Variants in URI1 observed in about 807,000 individuals in gnomAD.
URI1 encodes unconventional prefoldin RPB5 interactor 1.
URI1 carries 39 observed loss-of-function variants against 60.2 expected under a neutral mutation model. The ratio of observed to expected loss-of-function variants is 0.65; its 90% CI spans 0.50 to 0.85. The LOEUF is 0.85. Ranked by LOEUF, URI1 falls within the 40% of genes least tolerant of loss-of-function variation. URI1 has a pLI of 0.00. For missense variants in URI1, 691 were observed against 665.9 expected, an observed-to-expected ratio of 1.04 and a Z score of -0.42; for synonymous variants, 251 against 236.8, an observed-to-expected ratio of 1.06 and a Z score of -0.55.
intron 1 of URI1, chr19:29,956,643 A>G (rs1304086385): frequency 4.6e-6 from 7 of 1,517,954 alleles, no homozygotes; most frequent in Admixed American, 1.7e-5. Context: ...CACCCAAGAA[A>G]TTTCGGATTT....
At chr19:29,939,730 G>A (rs775027232), upstream of URI1, among the ~76,000 whole-genome samples, 14 of 152,202 alleles carry the variant, frequency 9.2e-5, no homozygotes, top group Non-Finnish European at 2.1e-4. Flanking sequence ...TGGCAAGGAG[G>A]CAACCATGGA....
intron 1 of URI1, among the ~76,000 whole-genome samples, chr19:29,966,559 A>G (rs531352273): frequency 6.6e-6 from 1 of 152,162 alleles, no homozygotes; most frequent in East Asian, 1.9e-4. Flanking sequence ...TACTTAAAAG[A>G]TTTGTAATTT....
chr19:30,001,956 G>A (rs1007725577), intron 4 of URI1, among the ~76,000 whole-genome samples: 10 of 152,034 alleles, frequency 6.6e-5, no homozygotes, highest in Non-Finnish European at 1.3e-4. Flanking sequence ...TTAAGAAGGA[G>A]TACATCCTGT....
intron 1 of URI1, chr19:29,923,866 G>A: frequency 9.0e-7 from 1 of 1,108,444 alleles, no homozygotes. Context: ...AGATACAGAT[G>A]GCGCTGTAGA....
At chr19:29,932,786 G>A (rs1481020953) in intron 1 of URI1, among the ~76,000 whole-genome samples, 1 of 151,672 alleles carries the variant, frequency 6.6e-6, no homozygotes, top group East Asian at 1.9e-4. Context: ...TGAGTAGCTG[G>A]GATTGCAGGT....
chr19:30,000,826 TGG>T (rs2055869365), intron 4 of URI1, among the ~76,000 whole-genome samples: 1 of 152,002 alleles, frequency 6.6e-6, no homozygotes, highest in African/African-American at 2.4e-5. Context: ...CCTCCAGCCG[TGG>T]GAAATTTATA....
intron 1 of URI1, among the ~76,000 whole-genome samples, chr19:29,936,096 A>AT (rs966307650): frequency 6.8e-6 from 1 of 146,264 alleles, no homozygotes. Flanking sequence ...CTTAAAAAAA[A>AT]TTTTTTTTTG....
intron 1 of URI1, among the ~76,000 whole-genome samples, chr19:29,962,797 T>C (rs1040708672): frequency 6.6e-6 from 1 of 152,232 alleles, no homozygotes; most frequent in Admixed American, 6.5e-5. Context: ...TTTCTTTTAA[T>C]GAAAGTCTGC....
upstream of URI1, among the ~76,000 whole-genome samples, chr19:29,938,901 C>G (rs1289940261): frequency 1.3e-5 from 2 of 151,562 alleles, no homozygotes; most frequent in African/African-American, 2.4e-5. Flanking sequence ...TGATCTCGAT[C>G]TCCTGACCTC....
Position 30,014,762 on chromosome 19 carries a change from T to G in URI1, c.1426-125T>G, listed in dbSNP as rs2056064068. On this transcript the variant is annotated intron_variant, in intron 10 of 10. Transcript: ENST00000392271. ...AACAATTAGTATTTTGGTGTAGTAG[T>G]GTTGTCTAGCCAAAAATCTCGTGAA... The G allele has an allele frequency of 3.5e-6, 3 of 847,718 alleles. No individual in the cohort carries two copies. In the African/African-American group the frequency reaches 5.1e-5, roughly 14 times the overall value. The allele number at this position is 847,718 out of a possible 1,614,324, so 52.5% of individuals were successfully genotyped here.
rs748104411 is a variant in URI1 at position 30,015,569 on chromosome 19, G to A, written c.*500G>A. 170 of 1,534,334 alleles carry A rather than the reference G, an allele frequency of 1.1e-4. No homozygotes were observed. The African/African-American group carries it at 1.7e-3, about 16-fold the overall frequency. On this transcript the variant is annotated 3_prime_UTR_variant, in exon 11 of 11. Coordinates refer to ENST00000392271, the MANE Select transcript of URI1 (RefSeq NM_003796.3). The stretch of plus-strand genomic sequence containing the variant: ...GCTAGTTGGCTATTCAAGAAACCTC[G>A]CCCCTCTGAATGTCATACTGTAATC...
chr19:29,947,269 G>A (rs2055114390), intron 1 of URI1, among the ~76,000 whole-genome samples: 1 of 152,204 alleles, frequency 6.6e-6, no homozygotes, highest in South Asian at 2.1e-4. Context: ...GAAATGGACG[G>A]ATGGAATTAC....
At chr19:29,995,671 T>G (rs2055803550) in intron 4 of URI1, among the ~76,000 whole-genome samples, 1 of 152,096 alleles carries the variant, frequency 6.6e-6, no homozygotes, top group African/African-American at 2.4e-5. Context: ...TGCCTATGCT[T>G]TTCATGTCAT....
chr19:30,009,435 A>C, intron 8 of URI1, 82 bp downstream of exon 8: 1 of 1,256,308 alleles, frequency 8.0e-7, no homozygotes. Context: ...AGCAATATTA[A>C]CAATCATTAT....
At chr19:29,945,917 T>C (rs2055097505) in intron 1 of URI1, among the ~76,000 whole-genome samples, 1 of 152,108 alleles carries the variant, frequency 6.6e-6, no homozygotes, top group Admixed American at 6.6e-5. Flanking sequence ...TTAACGAAAA[T>C]TGGAATGTTA....
At chr19:30,012,566 A>T (rs1448269959) in intron 10 of URI1, 35 bp downstream of exon 10, 1 of 1,599,256 alleles carries the variant, frequency 6.3e-7, no homozygotes, top group Admixed American at 1.7e-5. Context: ...TTTATTTCAT[A>T]TAGTATCTTT....
At chr19:30,012,119 C>A (rs759674244) in intron 9 of URI1, among the ~76,000 whole-genome samples, 166 bp from the exon 10 acceptor site, 11 of 151,996 alleles carry the variant, frequency 7.2e-5, no homozygotes, top group East Asian at 3.9e-4. Context: ...TATGAAGATA[C>A]CATTTGAGGC....
intron 1 of URI1, among the ~76,000 whole-genome samples, chr19:29,961,365 A>G (rs1383980084): frequency 1.4e-5 from 2 of 147,154 alleles, no homozygotes; most frequent in African/African-American, 2.5e-5. Flanking sequence ...TTTTGTCTCT[A>G]TGAATTTGAT....
At chr19:30,009,406 T>C in intron 8 of URI1, 53 bp downstream of exon 8, 1 of 1,460,142 alleles carries the variant, frequency 6.8e-7, no homozygotes, top group Non-Finnish European at 9.4e-7. Context: ...ACATTAAGCA[T>C]TATGATATTT....
Sources: gnomAD v4.1 joint callset for allele counts (sites outside exome capture counted in the v4.1 genomes callset) on GRCh38, gnomAD v4.1.1 for gene constraint, MANE v1.5 for transcripts, NCBI Gene and HGNC (gene_info 2026-07-23, HGNC 2026-07-21) for gene names.